KIF21A: variants seen among roughly 807,000 people sequenced by gnomAD.
The protein encoded by KIF21A is kinesin-like protein KIF21A.
Under a neutral mutation model 202.9 loss-of-function variants are expected in KIF21A, and 114 were observed. The observed-to-expected ratio is 0.56, with a 90% CI of 0.48 to 0.66. The LOEUF is 0.66. KIF21A is among the 30% of genes least tolerant of loss of function. KIF21A has a pLI of 0.00. For missense variants in KIF21A, 1,677 were observed against 1,994.9 expected (o/e 0.84, Z 3.04); for synonymous variants, 667 against 670.8 (o/e 0.99, Z 0.09).
intron 34 of KIF21A, among the ~76,000 whole-genome samples, chr12:39,306,647 C>A (rs1943502639): frequency 6.6e-6 from 1 of 152,138 alleles, no homozygotes; most frequent in African/African-American, 2.4e-5. Context: ...CCCCATATTA[C>A]CTGAATTGGA....
chr12:39,310,821 T>C (rs1943955806), intron 32 of KIF21A, among the ~76,000 whole-genome samples: 1 of 152,048 alleles, frequency 6.6e-6, no homozygotes, highest in Non-Finnish European at 1.5e-5. Context: ...TTCCAGTTAC[T>C]TGCAATTGTA....
chr12:39,388,159 A>C (rs1951082091), intron 1 of KIF21A, among the ~76,000 whole-genome samples: 1 of 152,178 alleles, frequency 6.6e-6, no homozygotes, highest in African/African-American at 2.4e-5. Flanking sequence ...TGGATCCCTC[A>C]TGAATAGATT....
At chr12:39,367,832 T>A (rs370614820) in intron 4 of KIF21A, 51 bp downstream of exon 4, 4 of 1,412,126 alleles carry the variant, frequency 2.8e-6, no homozygotes, top group Non-Finnish European at 4.0e-6. Context: ...CAAAGCTCAC[T>A]ATTTAAATAA....
chr12:39,314,641 G>A (rs1337946346), intron 31 of KIF21A, among the ~76,000 whole-genome samples: 1 of 151,796 alleles, frequency 6.6e-6, no homozygotes, highest in East Asian at 1.9e-4. Flanking sequence ...ACCCTCAGAT[G>A]TAATACTGTG....
In KIF21A at chr12:39,295,431, T is replaced by C. The variant is rs111596114; in HGVS notation, c.4932-914A>G. Among the ~76,000 whole-genome samples the C allele has an allele frequency of 6.7e-3, 1,025 of 152,240 alleles. 15 individuals are homozygous for C. Among genetic ancestry groups the C allele is most frequent in the African/African-American group, 0.024 (979 of 41,552 alleles). Reference sequence around the variant, plus strand: ...ATGGAATTTAATAGTTAAAATGCACTTCAGAGATTATGTATTCCATCCCAA... The same window carrying C: ...ATGGAATTTAATAGTTAAAATGCACCTCAGAGATTATGTATTCCATCCCAA... On this transcript the variant is annotated intron_variant, in intron 37 of 37. Coordinates refer to ENST00000361418, the MANE Select transcript of KIF21A (RefSeq NM_001173464.2).
chr12:39,320,966 G>GA (rs1182012787), intron 27 of KIF21A, among the ~76,000 whole-genome samples: 37 of 139,296 alleles, frequency 2.7e-4, no homozygotes, highest in Admixed American at 5.1e-4. Flanking sequence ...AAAAGTCTGG[G>GA]AAAAAAAAAA....
Position 39,367,147 on chromosome 12 carries a change from C to T in KIF21A, c.618G>A (p.Lys206=). Residue 206 remains lysine (K), a synonymous_variant, in exon 5 of 38, where the codon AAG becomes AAA. Coordinates refer to ENST00000361418, the MANE Select transcript of KIF21A (RefSeq NM_001173464.2). ...NTESEMMQCL[K]LGALSRTTAS... is the part of the protein sequence containing the mutation. Reference sequence around the variant, plus strand: ...CAGTTGTCCGGGATAAAGCACCCAACTTCAAACACTGCATCATCTGAAAAA... The same window carrying T: ...CAGTTGTCCGGGATAAAGCACCCAATTTCAAACACTGCATCATCTGAAAAA... The T allele has an allele frequency of 2.5e-6, 4 of 1,613,926 alleles. 1 individual carries two copies. In the South Asian group the frequency reaches 4.4e-5, roughly 18 times the overall value.
At chr12:39,423,040 C>G (rs1954431212) in intron 1 of KIF21A, among the ~76,000 whole-genome samples, 1 of 152,206 alleles carries the variant, frequency 6.6e-6, no homozygotes, top group South Asian at 2.1e-4. Flanking sequence ...TTGTGAGGAT[C>G]ACATGAGTTA....
At position 39,335,636 on chromosome 12, in the gene KIF21A, T is replaced by A. The variant is rs1234934041; in HGVS notation, c.2418+1460A>T. 2.0e-5 allele frequency among the ~76,000 whole-genome samples: 3 copies of A among 152,156 alleles called. No individual in the cohort carries two copies. The East Asian group carries it at 5.8e-4, about 29-fold the overall frequency. ...CACTTTTGTGAATATACTAAAAACA[T>A]GAATTGTACACTTTAAAAGGTAAAT... On this transcript the variant is annotated intron_variant, in intron 17 of 37. Transcript: ENST00000361418.
chr12:39,398,558 T>A (rs1387445278), intron 1 of KIF21A, among the ~76,000 whole-genome samples: 1 of 152,060 alleles, frequency 6.6e-6, no homozygotes, highest in Non-Finnish European at 1.5e-5. Flanking sequence ...TAGAAGGTAG[T>A]TGAAGAGCCC....
chr12:39,430,063 T>C (rs1236111657), intron 1 of KIF21A, among the ~76,000 whole-genome samples: 3 of 151,914 alleles, frequency 2.0e-5, no homozygotes, highest in Non-Finnish European at 2.9e-5. Context: ...CTAAAGTCCA[T>C]GCTTGGCTGG....
chr12:39,375,045 C>A (rs1950184704), intron 1 of KIF21A, among the ~76,000 whole-genome samples: 1 of 152,084 alleles, frequency 6.6e-6, no homozygotes, highest in Non-Finnish European at 1.5e-5. Context: ...GGGCTCATTG[C>A]TGTGGAAGGA....
rs535861812 is a variant in KIF21A at position 39,370,697 on chromosome 12, T to A, written c.45-436A>T. 2.0e-4 allele frequency among the ~76,000 whole-genome samples: 31 copies of A among 152,238 alleles called. No individual in the cohort carries two copies. In the East Asian group the frequency reaches 4.0e-3, roughly 20 times the overall value. ...AGGACATTTATTTATCTTAATGTCT[T>A]GACGCCCTTGACTCGTCTTTTTTGC... is the stretch of plus-strand genomic sequence containing the variant. On this transcript the variant is annotated intron_variant, in intron 1 of 37. Coordinates refer to ENST00000361418, the MANE Select transcript of KIF21A (RefSeq NM_001173464.2).
At chr12:39,411,910 C>G (rs996850262) in intron 1 of KIF21A, among the ~76,000 whole-genome samples, 29 of 152,194 alleles carry the variant, frequency 1.9e-4, no homozygotes, top group African/African-American at 6.0e-4. Flanking sequence ...TCTCAGCTCA[C>G]TGCAACCTCC....
At chr12:39,424,350 T>C (rs1954582394) in intron 1 of KIF21A, among the ~76,000 whole-genome samples, 1 of 152,122 alleles carries the variant, frequency 6.6e-6, no homozygotes, top group Non-Finnish European at 1.5e-5. Flanking sequence ...CTATAAATAT[T>C]AGTGTTCCAG....
At chr12:39,331,010 A>C in intron 22 of KIF21A, 99 bp from the exon 23 acceptor site, 7 of 1,263,396 alleles carry the variant, frequency 5.5e-6, no homozygotes, top group Non-Finnish European at 8.1e-6. Flanking sequence ...ATGGGTTTTG[A>C]CATCAGATAG....
At chr12:39,349,929 T>C (rs918812743) in intron 11 of KIF21A, among the ~76,000 whole-genome samples, 8 of 151,998 alleles carry the variant, frequency 5.3e-5, no homozygotes, top group African/African-American at 9.7e-5. Context: ...CAAAATTATA[T>C]AGGTGTCAGT....
chr12:39,424,501 ATAGAT>A (rs1006372116), intron 1 of KIF21A, among the ~76,000 whole-genome samples: 1 of 152,238 alleles, frequency 6.6e-6, no homozygotes, highest in Non-Finnish European at 1.5e-5. Flanking sequence ...ATCCAAACTC[ATAGAT>A]TAAATAACTG....
At chr12:39,351,534 G>T (rs931228247) in intron 11 of KIF21A, among the ~76,000 whole-genome samples, 1 of 152,014 alleles carries the variant, frequency 6.6e-6, no homozygotes, top group Middle Eastern at 3.4e-3. Flanking sequence ...ATTTATAATA[G>T]TAATTTTATA....
Sources: gnomAD v4.1 joint callset for allele counts (sites outside exome capture counted in the v4.1 genomes callset) on GRCh38, gnomAD v4.1.1 for gene constraint, MANE v1.5 for transcripts, NCBI Gene and HGNC (gene_info 2026-07-23, HGNC 2026-07-21) for gene names.